SCD5: variants seen among roughly 807,000 people sequenced by gnomAD.
SCD5 encodes stearoyl-CoA desaturase 5, also known as acyl-CoA-desaturase 4.
SCD5 carries 20 observed loss-of-function variants against 30.4 expected under a neutral mutation model. The observed-to-expected ratio is 0.66, with a 90% CI of 0.46 to 0.96. The LOEUF is 0.96. Among genes scored for constraint, SCD5 ranks in the 40% least tolerant of loss-of-function variants. The pLI, the probability that SCD5 is intolerant of heterozygous loss-of-function variation, is 0.00. For missense variants in SCD5, 381 were observed against 443.3 expected, an observed-to-expected ratio of 0.86 and a Z score of 1.26; for synonymous variants, 173 against 176.4, an observed-to-expected ratio of 0.98 and a Z score of 0.16.
chr4:82,757,485 TTC>T (rs765222941), intron 1 of SCD5, among the ~76,000 whole-genome samples: 1 of 152,148 alleles, frequency 6.6e-6, no homozygotes, highest in African/African-American at 2.4e-5. Flanking sequence ...AGGGAGGTCT[TTC>T]TATTCGCATT....
At chr4:82,782,367 G>C (rs1484297707) in intron 1 of SCD5, among the ~76,000 whole-genome samples, 1 of 152,006 alleles carries the variant, frequency 6.6e-6, no homozygotes, top group Non-Finnish European at 1.5e-5. Context: ...GAAATACAGT[G>C]GAATGACAGC....
At position 82,631,170 on chromosome 4, in the gene SCD5, A is replaced by G; in HGVS notation, c.*157T>C. 1 of 563,262 alleles carries G rather than the reference A, an allele frequency of 1.8e-6. No homozygotes were observed. The highest frequency in any genetic ancestry group is 2.9e-6 in the Non-Finnish European group (1 of 342,276). The allele number at this position is 563,262 out of a possible 1,614,324, so 34.9% of individuals were successfully genotyped here. On this transcript the variant is annotated 3_prime_UTR_variant, in exon 5 of 5. Coordinates refer to ENST00000319540, the MANE Select transcript of SCD5 (RefSeq NM_001037582.3). ...TTTTCATTGATAATTGTATTTCAAC[A>G]TTATTTTGAGATAAACAAAAACATT...
chr4:82,730,214 A>G (rs1291662615), intron 1 of SCD5, among the ~76,000 whole-genome samples: 1 of 146,546 alleles, frequency 6.8e-6, no homozygotes, highest in Non-Finnish European at 1.5e-5. Context: ...TATATAATAC[A>G]TATATTATAT....
intron 1 of SCD5, among the ~76,000 whole-genome samples, chr4:82,765,862 C>T (rs556639315): frequency 1.2e-4 from 18 of 152,252 alleles, no homozygotes; most frequent in African/African-American, 3.4e-4. Flanking sequence ...TCAAGTGATC[C>T]GCCTGCCTTG....
chr4:82,735,431 C>T (rs898182716), intron 1 of SCD5, among the ~76,000 whole-genome samples: 5 of 152,136 alleles, frequency 3.3e-5, no homozygotes, highest in Non-Finnish European at 7.3e-5. Flanking sequence ...CTACCTCCCA[C>T]CCTGAAGTGC....
At chr4:82,791,481 C>T (rs2148854434) in intron 1 of SCD5, among the ~76,000 whole-genome samples, 1 of 152,012 alleles carries the variant, frequency 6.6e-6, no homozygotes, top group East Asian at 1.9e-4. Flanking sequence ...TTTCTTTATC[C>T]AGCGGGCTGG....
chr4:82,773,813 T>A (rs74839599), intron 1 of SCD5, among the ~76,000 whole-genome samples: 1 of 151,936 alleles, frequency 6.6e-6, no homozygotes. Context: ...AAAATGCACA[T>A]AGAGGCCGGG....
chr4:82,716,749 G>C (rs1720237337), intron 1 of SCD5, among the ~76,000 whole-genome samples: 1 of 151,722 alleles, frequency 6.6e-6, no homozygotes, highest in Non-Finnish European at 1.5e-5. Flanking sequence ...GAGAGGCAGA[G>C]GGTGCAATGA....
At chr4:82,780,098 A>C (rs899803146) in intron 1 of SCD5, among the ~76,000 whole-genome samples, 1 of 152,234 alleles carries the variant, frequency 6.6e-6, no homozygotes, top group African/African-American at 2.4e-5. Context: ...TGCCTGATGC[A>C]CAGAAAGCAC....
At chr4:82,728,267 C>T (rs1720548993) in intron 1 of SCD5, among the ~76,000 whole-genome samples, 1 of 152,180 alleles carries the variant, frequency 6.6e-6, no homozygotes, top group Non-Finnish European at 1.5e-5. Flanking sequence ...CTTGGTCATT[C>T]CTGGCTACGT....
intron 1 of SCD5, among the ~76,000 whole-genome samples, chr4:82,791,394 T>C (rs1403249033): frequency 6.6e-6 from 1 of 151,430 alleles, no homozygotes; most frequent in Non-Finnish European, 1.5e-5. Flanking sequence ...CACCAATCCA[T>C]TGCCAGGGGA....
At chr4:82,747,914 AAG>A (rs1378219574) in intron 1 of SCD5, among the ~76,000 whole-genome samples, 1 of 152,238 alleles carries the variant, frequency 6.6e-6, no homozygotes, top group Non-Finnish European at 1.5e-5. Context: ...TGGAATCAGG[AAG>A]AGAGAGAGGA....
At chr4:82,756,393 A>C (rs1378574926) in intron 1 of SCD5, among the ~76,000 whole-genome samples, 1 of 152,178 alleles carries the variant, frequency 6.6e-6, no homozygotes, top group Non-Finnish European at 1.5e-5. Flanking sequence ...CATTCAGCCA[A>C]GTCACTTAGC....
At position 82,791,479 on chromosome 4, in the gene SCD5, T is replaced by A. The variant is rs542676312; in HGVS notation, c.232+6827A>T. 1.6e-4 allele frequency among the ~76,000 whole-genome samples: 24 copies of A among 152,006 alleles called. 1 individual carries two copies. The highest frequency in any genetic ancestry group is 5.8e-4 in the African/African-American group (24 of 41,436). ...CCTGATAACCATGGGGCTTTCTTTA[T>A]CCAGCGGGCTGGCTAGAGTGTCTCG... is the stretch of plus-strand genomic sequence containing the variant. On this transcript the variant is annotated intron_variant, in intron 1 of 4. Coordinates refer to ENST00000319540, the MANE Select transcript of SCD5 (RefSeq NM_001037582.3).
At chr4:82,722,664 C>T (rs1437222154) in intron 1 of SCD5, among the ~76,000 whole-genome samples, 1 of 146,680 alleles carries the variant, frequency 6.8e-6, no homozygotes, top group African/African-American at 2.6e-5. Flanking sequence ...TACTGAGGAG[C>T]TGAGGCAAGA....
intron 1 of SCD5, among the ~76,000 whole-genome samples, chr4:82,733,699 G>A (rs936887005): frequency 6.6e-6 from 1 of 152,056 alleles, no homozygotes; most frequent in Non-Finnish European, 1.5e-5. Flanking sequence ...GGGTCCCTGC[G>A]CCATTCTCGC....
At chr4:82,704,233 T>C (rs1170853261) in intron 2 of SCD5, among the ~76,000 whole-genome samples, 2 of 152,174 alleles carry the variant, frequency 1.3e-5, no homozygotes, top group Non-Finnish European at 1.5e-5. Flanking sequence ...GGAAGGCCCA[T>C]GGCAGAGGTG....
At chr4:82,783,126 C>G (rs1389887215) in intron 1 of SCD5, among the ~76,000 whole-genome samples, 1 of 152,216 alleles carries the variant, frequency 6.6e-6, no homozygotes, top group Admixed American at 6.5e-5. Context: ...ACATGCAACT[C>G]AGATGACTCC....
chr4:82,763,192 T>C (rs1721415848), intron 1 of SCD5, among the ~76,000 whole-genome samples: 2 of 152,192 alleles, frequency 1.3e-5, no homozygotes, highest in African/African-American at 4.8e-5. Context: ...GTGACTGTTT[T>C]GTATTTGGAG....
Sources: gnomAD v4.1 joint callset for allele counts (sites outside exome capture counted in the v4.1 genomes callset) on GRCh38, gnomAD v4.1.1 for gene constraint, MANE v1.5 for transcripts, NCBI Gene and HGNC (gene_info 2026-07-23, HGNC 2026-07-21) for gene names.